Variants in CNTNAP2 observed in about 807,000 individuals in gnomAD.
The protein encoded by CNTNAP2 is contactin-associated protein-like 2.
In CNTNAP2, 98 loss-of-function variants were observed where a neutral mutation model predicts 155.2. The ratio of observed to expected loss-of-function variants is 0.63; its 90% CI spans 0.54 to 0.75. The LOEUF (loss-of-function observed/expected upper bound fraction) is 0.75, where lower values mean the gene tolerates loss of function less well. CNTNAP2 is among the 30% of genes least tolerant of loss of function. The pLI, the probability that CNTNAP2 is intolerant of heterozygous loss-of-function variation, is 0.00. For synonymous variants in CNTNAP2, 651 were observed against 631.2 expected (o/e 1.03, Z -0.47); for missense variants, 1,727 against 1,688.1 (o/e 1.02, Z -0.40).
intron 12 of CNTNAP2, among the ~76,000 whole-genome samples, chr7:147,581,229 T>G (rs1800493117): frequency 6.6e-6 from 1 of 152,206 alleles, no homozygotes. Context: ...CAGGTGCCAT[T>G]CTAGAGGTAT....
intron 11 of CNTNAP2, among the ~76,000 whole-genome samples, chr7:147,548,113 A>G (rs1799778877): frequency 6.6e-6 from 1 of 152,220 alleles, no homozygotes; most frequent in Non-Finnish European, 1.5e-5. Flanking sequence ...TACTTTGGGT[A>G]TGTACCCAGT....
rs148850257 is a variant in CNTNAP2, at chr7:147,661,461, T to C, written c.2098+22155T>C. Among the ~76,000 whole-genome samples, 439 of 152,272 alleles carry C rather than the reference T, an allele frequency of 2.9e-3. 2 individuals carry two copies. The highest frequency in any genetic ancestry group is 9.8e-3 in the African/African-American group (406 of 41,564). ...CAATTTAGTAGTGGTATTTCAGTAG[T>C]ACCTGTTGTATGCCTCGACAAGGCT... On this transcript the variant is annotated intron_variant, in intron 13 of 23. Coordinates refer to ENST00000361727, the MANE Select transcript of CNTNAP2 (RefSeq NM_014141.6).
intron 13 of CNTNAP2, among the ~76,000 whole-genome samples, chr7:147,828,045 CATG>C (rs2116630942): frequency 6.6e-6 from 1 of 152,176 alleles, no homozygotes; most frequent in South Asian, 2.1e-4. Context: ...TCGTTTAAAA[CATG>C]ATTTTCTATG....
rs534076786 is a variant in CNTNAP2, at chr7:147,777,766, C to T, written c.2099-125799C>T. Among the ~76,000 whole-genome samples, 8 of 152,344 alleles carry T rather than the reference C, an allele frequency of 5.3e-5. No individual in the cohort carries two copies. The East Asian group carries it at 1.5e-3, about 29-fold the overall frequency. ...GTAGGAATTTTAGGCCCACATCATA[C>T]ACACATCTGCAAATAACCAATCTTT... On this transcript the variant is annotated intron_variant, in intron 13 of 23. Coordinates refer to ENST00000361727, the MANE Select transcript of CNTNAP2 (RefSeq NM_014141.6).
At position 146,387,537 on chromosome 7, in the gene CNTNAP2, A is replaced by G. The variant is rs549646778; in HGVS notation, c.97+270564A>G. On this transcript the variant is annotated intron_variant, in intron 1 of 23. Transcript: ENST00000361727. ...TTTGGTAGGACAAATGGTCAGTTTCATGAAGTAATATGTTTACTCTTGCTT... is the reference window on the plus strand; with the variant it reads ...TTTGGTAGGACAAATGGTCAGTTTCGTGAAGTAATATGTTTACTCTTGCTT... Among the ~76,000 whole-genome samples, 47 of 152,300 alleles carry G rather than the reference A, an allele frequency of 3.1e-4. No homozygotes were observed. In the South Asian group the frequency reaches 3.3e-3, roughly 11 times the overall value.
chr7:146,160,398 C>A (rs1039950729), intron 1 of CNTNAP2, among the ~76,000 whole-genome samples: 2 of 152,066 alleles, frequency 1.3e-5, no homozygotes. Context: ...ATCAATGAAT[C>A]CAGGAGCTGG....
chr7:146,550,297 A>C (rs960120199), intron 1 of CNTNAP2, among the ~76,000 whole-genome samples: 1 of 151,530 alleles, frequency 6.6e-6, no homozygotes, highest in Non-Finnish European at 1.5e-5. Context: ...GACCAAACTC[A>C]ACTCATCATT....
At chr7:147,973,925 T>A (rs1801380990) in intron 14 of CNTNAP2, among the ~76,000 whole-genome samples, 1 of 152,172 alleles carries the variant, frequency 6.6e-6, no homozygotes, top group Non-Finnish European at 1.5e-5. Flanking sequence ...TTATTCTCAC[T>A]TAATGAATCA....
intron 1 of CNTNAP2, among the ~76,000 whole-genome samples, chr7:146,745,731 A>G (rs951820811): frequency 3.4e-5 from 5 of 147,398 alleles, no homozygotes; most frequent in African/African-American, 1.3e-4. Context: ...GTGCCACTGT[A>G]CTCCAGCCTG....
At chr7:148,208,013 C>T (rs1308864031) in intron 18 of CNTNAP2, among the ~76,000 whole-genome samples, 8 of 151,646 alleles carry the variant, frequency 5.3e-5, no homozygotes, top group Non-Finnish European at 1.0e-4. Context: ...GGCGTGAACC[C>T]GGGAGGCGGA....
intron 8 of CNTNAP2, among the ~76,000 whole-genome samples, chr7:147,250,386 T>G (rs1415552508): frequency 6.7e-6 from 1 of 148,374 alleles, no homozygotes; most frequent in African/African-American, 2.4e-5. Context: ...ATCAGCTTTT[T>G]ATAATAAAAA....
chr7:147,158,437 G>T (rs948793929), intron 8 of CNTNAP2, among the ~76,000 whole-genome samples: 2 of 152,086 alleles, frequency 1.3e-5, no homozygotes, highest in Admixed American at 1.3e-4. Flanking sequence ...CTGCACCATG[G>T]ATTACATGCA....
At chr7:147,580,944 A>G (rs1336297720) in intron 12 of CNTNAP2, among the ~76,000 whole-genome samples, 1 of 152,190 alleles carries the variant, frequency 6.6e-6, no homozygotes, top group Non-Finnish European at 1.5e-5. Context: ...TAGCTTAATC[A>G]TTCATCACTG....
At chr7:148,333,262 T>C (rs1388695335) in intron 21 of CNTNAP2, among the ~76,000 whole-genome samples, 1 of 152,128 alleles carries the variant, frequency 6.6e-6, no homozygotes, top group Non-Finnish European at 1.5e-5. Flanking sequence ...ACCCCGTCTC[T>C]ACTAAAAATA....
At chr7:146,835,612 T>C (rs1253478942) in intron 2 of CNTNAP2, among the ~76,000 whole-genome samples, 4 of 151,922 alleles carry the variant, frequency 2.6e-5, no homozygotes, top group African/African-American at 9.7e-5. Flanking sequence ...AAAAATAACA[T>C]ATAAAAAACA....
chr7:147,666,379 C>G lies in CNTNAP2; in HGVS notation c.2098+27073C>G, dbSNP rs116549008. ...ATGTCCCAGCTGTCGTAGCTGTAGC[C>G]CACCACATTACTCATGTGTGTGTGG... On this transcript the variant is annotated intron_variant, in intron 13 of 23. Coordinates refer to ENST00000361727, the MANE Select transcript of CNTNAP2 (RefSeq NM_014141.6). Among the ~76,000 whole-genome samples, 905 of 152,218 alleles carry G rather than the reference C, an allele frequency of 5.9e-3. 8 individuals carry two copies. The highest frequency in any genetic ancestry group is 0.021 in the African/African-American group (880 of 41,532).
intron 8 of CNTNAP2, among the ~76,000 whole-genome samples, chr7:147,299,411 T>C (rs115114341): frequency 0.028 from 4,216 of 150,856 alleles, 198 homozygotes; most frequent in African/African-American, 0.098. Flanking sequence ...GTTGGGGATA[T>C]GCATTCTTGA....
At chr7:146,915,986 A>G (rs1796386406) in intron 3 of CNTNAP2, 4 of 152,054 alleles carry the variant, frequency 2.6e-5, no homozygotes, top group South Asian at 2.1e-4. Context: ...ACCTTAAGGT[A>G]TGTCCTTCTA....
chr7:146,828,229 A>T (rs903099082), intron 2 of CNTNAP2, among the ~76,000 whole-genome samples: 2 of 152,090 alleles, frequency 1.3e-5, no homozygotes, highest in African/African-American at 4.8e-5. Flanking sequence ...ATATACAGTC[A>T]AGTGTTACTT....
Sources: gnomAD v4.1 joint callset for allele counts (sites outside exome capture counted in the v4.1 genomes callset) on GRCh38, gnomAD v4.1.1 for gene constraint, MANE v1.5 for transcripts, NCBI Gene and HGNC (gene_info 2026-07-23, HGNC 2026-07-21) for gene names.